PTCHD1: variants seen among roughly 807,000 people sequenced by gnomAD.
PTCHD1 encodes the protein patched domain-containing protein 1.
In PTCHD1, 3 loss-of-function variants were observed where a neutral mutation model predicts 34.6. That is an observed-to-expected ratio of 0.09 (90% CI 0.04 to 0.22). PTCHD1 has a LOEUF of 0.22. PTCHD1 is among the 10% of genes least tolerant of loss of function. The probability of loss-of-function intolerance (pLI) is 1.00; values close to 1 mark genes in which losing one functional copy is unlikely to be tolerated. For missense variants in PTCHD1, 504 were observed against 685.5 expected, an observed-to-expected ratio of 0.74 and a Z score of 2.96; for synonymous variants, 305 against 283.1, an observed-to-expected ratio of 1.08 and a Z score of -0.77.
At chrX:23,369,503 C>T (rs906410961) in intron 1 of PTCHD1, among the ~76,000 whole-genome samples, 3 of 111,502 alleles carry the variant, frequency 2.7e-5, no homozygotes, top group African/African-American at 9.8e-5. Flanking sequence ...GATCCACTTA[C>T]TAAATTTGTG....
chrX:23,348,289 C>T (rs141672528), intron 1 of PTCHD1, among the ~76,000 whole-genome samples: 1,390 of 99,990 alleles, frequency 0.014, 18 homozygotes, highest in Middle Eastern at 0.056. Context: ...AAAACCCAAA[C>T]GGAACATCTA....
At chrX:23,345,138 A>C (rs1256989473) in intron 1 of PTCHD1, among the ~76,000 whole-genome samples, 1 of 111,846 alleles carries the variant, frequency 8.9e-6, no homozygotes, top group Non-Finnish European at 1.9e-5. Context: ...CCCTTTAGAA[A>C]ATTGCTTTTT....
chrX:23,354,769 C>A (rs759367688), intron 1 of PTCHD1, among the ~76,000 whole-genome samples: 1 of 108,940 alleles, frequency 9.2e-6, no homozygotes, highest in South Asian at 4.1e-4. Flanking sequence ...GATGGGGTTT[C>A]ACCATCTTGG....
intron 1 of PTCHD1, among the ~76,000 whole-genome samples, chrX:23,347,644 G>A (rs1365655304): frequency 6.3e-5 from 7 of 111,848 alleles, no homozygotes; most frequent in Non-Finnish European, 1.1e-4. Flanking sequence ...AGTCTGAAGA[G>A]ACAAAGGAAA....
At position 23,394,301 on chromosome X, in the gene PTCHD1, CCAAAA is replaced by C; in HGVS notation, c.*117_*121del. ...TTTTAAAGATAGGAAACAGGCATTG[CCAAAA>C]AAAAAAAAAAAAAAAAAAGGAAAGG... On this transcript the variant is annotated 3_prime_UTR_variant, in exon 3 of 3. Coordinates refer to ENST00000379361, the MANE Select transcript of PTCHD1 (RefSeq NM_173495.3). 8.8e-6 allele frequency: 1 copy of C among 113,353 alleles called. No individual in the cohort carries two copies. 9.3% of individuals were successfully genotyped at this position (113,353 alleles called of 1,213,427 possible). A position where few individuals can be genotyped will look rare whatever the true frequency, so the allele number is the denominator to read the frequency against.
chrX:23,361,455 G>C (rs1338858505), intron 1 of PTCHD1, among the ~76,000 whole-genome samples: 1 of 111,409 alleles, frequency 9.0e-6, no homozygotes, highest in Non-Finnish European at 1.9e-5. Context: ...TGTTTTATCA[G>C]AGACTAGGAT....
At chrX:23,368,616 G>A (rs909441685) in intron 1 of PTCHD1, among the ~76,000 whole-genome samples, 3 of 111,954 alleles carry the variant, frequency 2.7e-5, no homozygotes, top group African/African-American at 9.8e-5. Context: ...CGTGGGGAGA[G>A]ATGATACCCA....
Position 23,393,258 on chromosome X carries a change from G to A in PTCHD1, c.1740G>A (p.Lys580=), listed in dbSNP as rs1482498056. The A allele has an allele frequency of 1.7e-6, 2 of 1,209,091 alleles. No homozygotes were observed. Among genetic ancestry groups the A allele is most frequent in the Non-Finnish European group, 2.2e-6 (2 of 894,157 alleles). The change falls in exon 3 of 3, where the codon AAG becomes AAA. Residue 580 remains lysine (K), a synonymous_variant. Transcript: ENST00000379361. The part of the protein sequence containing the change: ...SVQEDVLEYT[K]GFVRISWFES... ...AAGAAGATGTTCTAGAATACACCAA[G>A]GGGTTTGTGCGGATATCCTGGTTTG...
intron 1 of PTCHD1, among the ~76,000 whole-genome samples, chrX:23,364,656 A>G (rs1031383164): frequency 1.8e-5 from 2 of 112,009 alleles, no homozygotes; most frequent in Non-Finnish European, 1.9e-5. Context: ...CAGGCACATC[A>G]CTGCCTGGGA....
chrX:23,366,994 A>G (rs781200044), intron 1 of PTCHD1, among the ~76,000 whole-genome samples: 14 of 109,798 alleles, frequency 1.3e-4, no homozygotes, highest in Middle Eastern at 9.3e-3. Flanking sequence ...CTGGACACCA[A>G]CATACTAGAC....
intron 1 of PTCHD1, among the ~76,000 whole-genome samples, chrX:23,378,708 T>A (rs1474260580): frequency 8.9e-6 from 1 of 112,143 alleles, no homozygotes; most frequent in East Asian, 2.8e-4. Context: ...TTGAACCTAC[T>A]TTGTAATTTG....
intron 2 of PTCHD1, among the ~76,000 whole-genome samples, chrX:23,382,389 A>G (rs1320296655): frequency 8.9e-6 from 1 of 112,980 alleles, no homozygotes; most frequent in Admixed American, 9.4e-5. Context: ...GCAATATTTT[A>G]AATTTCTTAA....
chrX:23,379,321 C>A (rs1452234257), intron 1 of PTCHD1, among the ~76,000 whole-genome samples: 3 of 111,807 alleles, frequency 2.7e-5, no homozygotes, highest in South Asian at 3.8e-4. Flanking sequence ...GGGCTACACC[C>A]CAGAAATTCT....
chrX:23,368,010 A>G (rs2146632653), intron 1 of PTCHD1, among the ~76,000 whole-genome samples: 1 of 110,959 alleles, frequency 9.0e-6, no homozygotes, highest in African/African-American at 3.3e-5. Context: ...TTTGGATGAT[A>G]AATTATATGG....
chrX:23,370,101 G>A (rs1227374227), intron 1 of PTCHD1, among the ~76,000 whole-genome samples: 1 of 112,266 alleles, frequency 8.9e-6, no homozygotes, highest in Non-Finnish European at 1.9e-5. Flanking sequence ...CTGTGTTTCA[G>A]AGACTGTACA....
intron 1 of PTCHD1, among the ~76,000 whole-genome samples, chrX:23,336,020 G>C (rs1190764556): frequency 9.0e-6 from 1 of 111,607 alleles, no homozygotes; most frequent in Non-Finnish European, 1.9e-5. Context: ...GAGCCCGAAG[G>C]GTGAGAACAG....
intron 1 of PTCHD1, among the ~76,000 whole-genome samples, chrX:23,341,348 A>T (rs1325644484): frequency 8.9e-6 from 1 of 112,420 alleles, no homozygotes; most frequent in Non-Finnish European, 1.9e-5. Context: ...TAAAAATACG[A>T]GAAGGAGAAG....
chrX:23,338,312 A>G (rs1439973837), intron 1 of PTCHD1, among the ~76,000 whole-genome samples: 1 of 112,470 alleles, frequency 8.9e-6, no homozygotes, highest in African/African-American at 3.2e-5. Context: ...TTAGCTGATT[A>G]TATCTTTTAA....
intron 1 of PTCHD1, among the ~76,000 whole-genome samples, chrX:23,349,069 T>C (rs756476803): frequency 8.1e-5 from 9 of 111,786 alleles, no homozygotes; most frequent in African/African-American, 2.6e-4. Context: ...AAAGCAGTAT[T>C]GTTTAAAGGT....
Sources: allele counts gnomAD v4.1 joint callset (sites outside exome capture counted in the v4.1 genomes callset), GRCh38; gene constraint gnomAD v4.1.1; transcripts MANE v1.5; gene names NCBI Gene and HGNC (gene_info 2026-07-23, HGNC 2026-07-21).